The following BAZ2B variants were observed in gnomAD, a reference collection of about 807,000 sequenced individuals.
BAZ2B encodes bromodomain adjacent to zinc finger domain protein 2B.
Under a neutral mutation model 246.0 loss-of-function variants are expected in BAZ2B, and 91 were observed. That is an observed-to-expected ratio of 0.37 (90% CI 0.31 to 0.44). BAZ2B has a LOEUF of 0.44. BAZ2B is among the 20% of genes least tolerant of loss of function. The probability of loss-of-function intolerance (pLI) is 1.00; values close to 1 mark genes in which losing one functional copy is unlikely to be tolerated. For synonymous variants in BAZ2B, 855 were observed against 860.0 expected (o/e 0.99, Z 0.10); for missense variants, 2,332 against 2,533.7 (o/e 0.92, Z 1.71).
intron 8 of BAZ2B, 128 bp downstream of exon 8, chr2:159,438,175 A>T: frequency 1.2e-6 from 1 of 852,192 alleles, no homozygotes; most frequent in Non-Finnish European, 1.8e-6. Context: ...TACATATTCT[A>T]TTCCTGGAGA....
At chr2:159,353,894 T>C (rs1033147526) in intron 27 of BAZ2B, among the ~76,000 whole-genome samples, 1 of 152,200 alleles carries the variant, frequency 6.6e-6, no homozygotes, top group Non-Finnish European at 1.5e-5. Flanking sequence ...AACTTAACTG[T>C]GCCTTGGTTA....
intron 2 of BAZ2B, among the ~76,000 whole-genome samples, chr2:159,554,375 A>G (rs1458999037): frequency 1.3e-5 from 2 of 152,160 alleles, no homozygotes; most frequent in South Asian, 2.1e-4. Context: ...AAATATGTCA[A>G]TATTTTATTA....
chr2:159,680,185 A>G, the BAZ2B span, among the ~76,000 whole-genome samples: 1 of 152,236 alleles, frequency 6.6e-6, no homozygotes, highest in Admixed American at 6.5e-5. Flanking sequence ...CAAGAGAAAA[A>G]AGTATAATCT....
At chr2:159,679,636 T>A in the BAZ2B span, among the ~76,000 whole-genome samples, 1 of 152,224 alleles carries the variant, frequency 6.6e-6, no homozygotes, top group Non-Finnish European at 1.5e-5. Context: ...AAGTAATAAT[T>A]TAAATAAATC....
chr2:159,656,971 A>G, the BAZ2B span, among the ~76,000 whole-genome samples: 2 of 152,042 alleles, frequency 1.3e-5, no homozygotes, highest in Non-Finnish European at 2.9e-5. Context: ...TCTTTTGCAG[A>G]GAAGTTTTAA....
chr2:159,709,748 G>C, the BAZ2B span, among the ~76,000 whole-genome samples: 1 of 152,160 alleles, frequency 6.6e-6, no homozygotes, highest in African/African-American at 2.4e-5. Flanking sequence ...GGGAAAACAA[G>C]AACTTTGAAA....
the BAZ2B span, among the ~76,000 whole-genome samples, chr2:159,696,934 G>A: frequency 3.8e-4 from 58 of 152,146 alleles, no homozygotes; most frequent in South Asian, 8.3e-4. Flanking sequence ...CTACAGGTGC[G>A]TGCCACCACA....
chr2:159,422,528 A>C (rs1325500759), intron 13 of BAZ2B, among the ~76,000 whole-genome samples: 4 of 152,188 alleles, frequency 2.6e-5, no homozygotes, highest in Non-Finnish European at 4.4e-5. Context: ...TTCTGGGATA[A>C]CTGGCTAGAC....
chr2:159,562,518 G>A (rs903385121), intron 1 of BAZ2B, among the ~76,000 whole-genome samples: 2 of 152,186 alleles, frequency 1.3e-5, no homozygotes, highest in African/African-American at 2.4e-5. Context: ...TTCCAGTAGA[G>A]GAAGGAGGTA....
chr2:159,619,035 G>A (rs753385843), upstream of BAZ2B, among the ~76,000 whole-genome samples: 1 of 151,628 alleles, frequency 6.6e-6, no homozygotes, highest in Non-Finnish European at 1.5e-5. Flanking sequence ...AAAGAAACCT[G>A]TGAAAAAAAA....
chr2:159,467,370 G>C (rs1166636435), intron 3 of BAZ2B, among the ~76,000 whole-genome samples: 1 of 152,160 alleles, frequency 6.6e-6, no homozygotes, highest in Non-Finnish European at 1.5e-5. Flanking sequence ...GGTTTACCAA[G>C]ACCTAATTTA....
At chr2:159,579,617 C>CA (rs1302368595) in intron 1 of BAZ2B, among the ~76,000 whole-genome samples, 6 of 151,808 alleles carry the variant, frequency 4.0e-5, no homozygotes, top group South Asian at 4.1e-4. Context: ...AGAGACACAA[C>CA]AAAAAAAAGA....
At chr2:159,575,455 AG>A (rs755282308) in intron 1 of BAZ2B, among the ~76,000 whole-genome samples, 5 of 152,230 alleles carry the variant, frequency 3.3e-5, no homozygotes, top group Non-Finnish European at 7.3e-5. Flanking sequence ...TTATAATATT[AG>A]GGATATAAAG....
upstream of BAZ2B, among the ~76,000 whole-genome samples, chr2:159,618,502 A>G (rs1331424272): frequency 6.6e-6 from 1 of 152,154 alleles, no homozygotes; most frequent in Non-Finnish European, 1.5e-5. Context: ...GAAGAAAAAT[A>G]TAGATTAAAA....
chr2:159,563,332 A>G (rs1456556458), intron 1 of BAZ2B, among the ~76,000 whole-genome samples: 2 of 152,134 alleles, frequency 1.3e-5, no homozygotes, highest in African/African-American at 4.8e-5. Context: ...ACCTTAGGCA[A>G]TCTATCAGTA....
chr2:159,529,788 AAT>A (rs1437900370), intron 2 of BAZ2B, among the ~76,000 whole-genome samples: 6 of 152,216 alleles, frequency 3.9e-5, no homozygotes, highest in African/African-American at 1.4e-4. Flanking sequence ...CTAGGCACTT[AAT>A]AGTTGTTGAA....
intron 27 of BAZ2B, among the ~76,000 whole-genome samples, chr2:159,367,037 G>C (rs1312734773): frequency 6.6e-6 from 1 of 152,172 alleles, no homozygotes; most frequent in African/African-American, 2.4e-5. Flanking sequence ...GATGTGCAGA[G>C]GAACAGTAGG....
rs1214223213 is a variant in BAZ2B at position 159,350,309 on chromosome 2, C to G, written c.4262G>C (p.Ser1421Thr). Residue 1421 changes from serine to threonine, a missense_variant, in exon 28 of 37, where the codon AGT becomes ACT. Physicochemically the swap from Ser to Thr is moderately conservative, Grantham distance 58 (BLOSUM62 1). This residue lies in a region of BAZ2B where 676 missense variants were observed against 668.6 expected (regional missense o/e 1.01). Coordinates refer to ENST00000392783, the MANE Select transcript of BAZ2B (RefSeq NM_013450.4). ...KEREKLKKAE[S>T]VQIKEEMFET... ...AAACATTTCTTCTTTGATCTGGACA[C>G]TTTCTGCCTTTTTCAGTTTTTCTCT... 6.3e-7 allele frequency: 1 copy of G among 1,579,328 alleles called. No individual in the cohort carries two copies. The highest frequency in any genetic ancestry group is 1.2e-5 in the South Asian group (1 of 84,544).
At chr2:159,468,025 T>C (rs999376184) in intron 3 of BAZ2B, among the ~76,000 whole-genome samples, 1 of 152,148 alleles carries the variant, frequency 6.6e-6, no homozygotes, top group African/African-American at 2.4e-5. Flanking sequence ...ACAGCAAGTA[T>C]GAGACCCAAA....
Sources: allele counts gnomAD v4.1 joint callset (sites outside exome capture counted in the v4.1 genomes callset), GRCh38; gene constraint gnomAD v4.1.1; regional missense constraint gnomAD v4.1.1; transcripts MANE v1.5; gene names NCBI Gene and HGNC (gene_info 2026-07-23, HGNC 2026-07-21).